Variants in SLIT3 observed in about 807,000 individuals in gnomAD.
SLIT3 encodes the protein slit guidance ligand 3.
Under a neutral mutation model 184.0 loss-of-function variants are expected in SLIT3, and 68 were observed. The observed-to-expected ratio is 0.37, with a 90% CI of 0.30 to 0.45. The LOEUF is 0.45. Ranked by LOEUF, SLIT3 falls within the 20% of genes least tolerant of loss-of-function variation. The pLI is 1.00. For synonymous variants in SLIT3, 831 were observed against 828.6 expected (o/e 1.00, Z -0.05); for missense variants, 1,707 against 2,026.0 (o/e 0.84, Z 3.02).
At chr5:168,773,778 G>C (rs1360671254) in intron 13 of SLIT3, among the ~76,000 whole-genome samples, 2 of 152,182 alleles carry the variant, frequency 1.3e-5, no homozygotes, top group Non-Finnish European at 2.9e-5. Flanking sequence ...TGGTTTTGCA[G>C]GGTGGAGGGG....
intron 30 of SLIT3, among the ~76,000 whole-genome samples, chr5:168,686,714 A>G (rs1434654371): frequency 1.3e-5 from 2 of 152,230 alleles, no homozygotes; most frequent in Non-Finnish European, 1.5e-5. Flanking sequence ...ACATTACACA[A>G]GCTGAACCTA....
intron 4 of SLIT3, among the ~76,000 whole-genome samples, chr5:168,964,965 C>A (rs557652183): frequency 7.2e-5 from 11 of 152,296 alleles, no homozygotes; most frequent in Admixed American, 1.3e-4. Flanking sequence ...AGGACCAGAA[C>A]CAAGACTAGG....
chr5:169,026,795 GA>G (rs35980522), intron 4 of SLIT3, among the ~76,000 whole-genome samples: 21,334 of 147,260 alleles, frequency 0.14, 2,721 homozygotes, highest in African/African-American at 0.34. Flanking sequence ...ACTATCATCA[GA>G]AAAAAAAAAC....
intron 20 of SLIT3, among the ~76,000 whole-genome samples, chr5:168,747,484 G>A (rs1002895156): frequency 2.0e-5 from 3 of 152,062 alleles, no homozygotes; most frequent in Non-Finnish European, 4.4e-5. Context: ...GGATGGATGC[G>A]AGTGTGCACA....
At chr5:169,021,001 G>A (rs993761793) in intron 4 of SLIT3, among the ~76,000 whole-genome samples, 34 of 152,194 alleles carry the variant, frequency 2.2e-4, no homozygotes, top group Admixed American at 2.2e-3. Flanking sequence ...ATGAAGTAGG[G>A]AGGAAAGTGT....
intron 25 of SLIT3, chr5:168,708,457 C>G: frequency 3.3e-6 from 1 of 306,490 alleles, no homozygotes; most frequent in East Asian, 8.2e-5. Context: ...GCCCAGGCTC[C>G]ATTCGGACCT....
At chr5:168,933,957 T>C (rs557626241) in intron 4 of SLIT3, among the ~76,000 whole-genome samples, 37 of 152,326 alleles carry the variant, frequency 2.4e-4, no homozygotes, top group Admixed American at 2.4e-3. Flanking sequence ...CAATACTTCT[T>C]GAGCAGGGTA....
chr5:169,187,678 G>A (rs942088395), intron 4 of SLIT3, among the ~76,000 whole-genome samples: 2 of 150,258 alleles, frequency 1.3e-5, no homozygotes, highest in Admixed American at 6.7e-5. Flanking sequence ...CTCAGTCTCC[G>A]GAATAGCTGG....
chr5:169,179,911 T>C (rs1235132378), intron 4 of SLIT3, among the ~76,000 whole-genome samples: 12 of 152,180 alleles, frequency 7.9e-5, no homozygotes. Flanking sequence ...GGTAACTGAC[T>C]GTAGAGTCAA....
chr5:168,808,018 T>G (rs1238517858), intron 8 of SLIT3, among the ~76,000 whole-genome samples: 9 of 152,190 alleles, frequency 5.9e-5, no homozygotes, highest in Non-Finnish European at 1.2e-4. Flanking sequence ...CCAAAGATTC[T>G]TATTTCCCTC....
intron 20 of SLIT3, among the ~76,000 whole-genome samples, chr5:168,740,429 G>A (rs1763589203): frequency 6.6e-6 from 1 of 152,202 alleles, no homozygotes; most frequent in Non-Finnish European, 1.5e-5. Context: ...GGGCAACTTT[G>A]TTTTTGTTTT....
intron 5 of SLIT3, among the ~76,000 whole-genome samples, chr5:168,855,736 A>G (rs1188514614): frequency 6.6e-6 from 1 of 152,184 alleles, no homozygotes; most frequent in Non-Finnish European, 1.5e-5. Context: ...GGGAATGGGG[A>G]GTGACTGCCG....
At chr5:168,855,909 C>A (rs1372778051) in intron 5 of SLIT3, among the ~76,000 whole-genome samples, 1 of 152,058 alleles carries the variant, frequency 6.6e-6, no homozygotes, top group Non-Finnish European at 1.5e-5. Flanking sequence ...GAATTCAAGA[C>A]CAGCCTGGCC....
At chr5:168,797,344 C>T (rs2113608544) in intron 9 of SLIT3, among the ~76,000 whole-genome samples, 1 of 152,332 alleles carries the variant, frequency 6.6e-6, no homozygotes, top group Admixed American at 6.5e-5. Flanking sequence ...GGAATCCCGT[C>T]ATTCACCTGC....
intron 26 of SLIT3, among the ~76,000 whole-genome samples, chr5:168,701,164 G>A (rs547656699): frequency 4.6e-5 from 7 of 152,342 alleles, no homozygotes; most frequent in Admixed American, 1.3e-4. Flanking sequence ...AAGGTTACAC[G>A]TGTGTAATCC....
At chr5:169,221,481 C>T (rs1200103604) in intron 3 of SLIT3, among the ~76,000 whole-genome samples, 1 of 152,210 alleles carries the variant, frequency 6.6e-6, no homozygotes, top group African/African-American at 2.4e-5. Context: ...AGGGAGCCCA[C>T]AGATTAGTCA....
At chr5:168,994,194 A>C (rs1187597427) in intron 4 of SLIT3, 2 of 152,186 alleles carry the variant, frequency 1.3e-5, no homozygotes, top group African/African-American at 2.4e-5. Context: ...CCTTGGTAAG[A>C]GTCATGACCC....
intron 4 of SLIT3, among the ~76,000 whole-genome samples, chr5:169,176,055 A>G (rs1762974063): frequency 1.3e-5 from 2 of 152,110 alleles, no homozygotes; most frequent in Admixed American, 6.5e-5. Context: ...AACATTTGTA[A>G]TGTTTCTCAA....
intron 1 of SLIT3, among the ~76,000 whole-genome samples, chr5:169,270,421 T>G (rs757265837): frequency 1.3e-5 from 2 of 152,204 alleles, no homozygotes; most frequent in African/African-American, 2.4e-5. Context: ...TTTAAATGGT[T>G]GGAAAAAATC....
Sources: gnomAD v4.1 joint callset for allele counts (sites outside exome capture counted in the v4.1 genomes callset) on GRCh38, gnomAD v4.1.1 for gene constraint, MANE v1.5 for transcripts, NCBI Gene and HGNC (gene_info 2026-07-23, HGNC 2026-07-21) for gene names.